FBXO42: variants seen among roughly 807,000 people sequenced by gnomAD.
FBXO42 encodes the protein F-box protein 42.
In FBXO42, 12 loss-of-function variants were observed where a neutral mutation model predicts 71.7. The ratio of observed to expected loss-of-function variants is 0.17; its 90% CI spans 0.11 to 0.27. FBXO42 has a LOEUF of 0.27. Ranked by LOEUF, FBXO42 falls within the 10% of genes least tolerant of loss-of-function variation. The pLI is 1.00. For synonymous variants in FBXO42, 325 were observed against 327.5 expected (o/e 0.99, Z 0.08); for missense variants, 707 against 911.9 (o/e 0.78, Z 2.89).
intron 1 of FBXO42, among the ~76,000 whole-genome samples, chr1:16,322,155 G>C (rs1329348485): frequency 1.3e-5 from 2 of 152,086 alleles, no homozygotes; most frequent in Non-Finnish European, 2.9e-5. Flanking sequence ...ATATTTTATT[G>C]GTCAGAATTA....
chr1:16,311,503 A>AAATATAT (rs1553153698), intron 2 of FBXO42, among the ~76,000 whole-genome samples: 4 of 65,562 alleles, frequency 6.1e-5, no homozygotes, highest in Non-Finnish European at 9.1e-5. Flanking sequence ...AAAAAAAAAA[A>AAATATAT]ATATATATAT....
chr1:16,328,434 C>T (rs551380917), intron 1 of FBXO42, among the ~76,000 whole-genome samples: 49 of 152,212 alleles, frequency 3.2e-4, no homozygotes, highest in African/African-American at 1.1e-3. Context: ...TGGCATTGAA[C>T]GATTAAGTAA....
At chr1:16,342,235 A>G (rs925503177) in intron 1 of FBXO42, among the ~76,000 whole-genome samples, 1 of 151,488 alleles carries the variant, frequency 6.6e-6, no homozygotes, top group African/African-American at 2.4e-5. Flanking sequence ...CGTCTCTACT[A>G]AAAATACAAA....
chr1:16,334,393 TGGGC>T (rs1326430109), intron 1 of FBXO42, among the ~76,000 whole-genome samples: 1 of 120,162 alleles, frequency 8.3e-6, no homozygotes, highest in East Asian at 2.5e-4. Flanking sequence ...AGATCGAGCC[TGGGC>T]GACAGAGTGA....
intron 4 of FBXO42, among the ~76,000 whole-genome samples, chr1:16,283,964 T>C (rs2081994288): frequency 6.6e-6 from 1 of 152,208 alleles, no homozygotes. Flanking sequence ...ATGACTTACG[T>C]TGACTCTGTA....
At chr1:16,282,171 C>T (rs1292238462) in intron 4 of FBXO42, among the ~76,000 whole-genome samples, 5 of 151,892 alleles carry the variant, frequency 3.3e-5, no homozygotes, top group Non-Finnish European at 5.9e-5. Flanking sequence ...TATCATAGGG[C>T]TCCAGGATTT....
chr1:16,306,987 G>A (rs1233269753), intron 2 of FBXO42, among the ~76,000 whole-genome samples: 5 of 152,118 alleles, frequency 3.3e-5, no homozygotes, highest in Non-Finnish European at 1.5e-5. Context: ...TGCCTCCCAG[G>A]TTCAAGTGAT....
At chr1:16,256,578 A>ATT (rs1487553575) in intron 5 of FBXO42, 28 bp downstream of exon 5, 11 of 1,608,306 alleles carry the variant, frequency 6.8e-6, no homozygotes, top group Non-Finnish European at 8.5e-6. Flanking sequence ...TTTCTTCCAG[A>ATT]TTTAAAGAGT....
intron 4 of FBXO42, among the ~76,000 whole-genome samples, chr1:16,274,619 G>A (rs143139722): frequency 6.5e-4 from 72 of 110,214 alleles, no homozygotes; most frequent in African/African-American, 2.6e-3. Context: ...TTGAGACGAA[G>A]TCTTGCTCTG....
At chr1:16,266,538 C>G (rs2081775679) in intron 4 of FBXO42, among the ~76,000 whole-genome samples, 1 of 152,302 alleles carries the variant, frequency 6.6e-6, no homozygotes, top group Admixed American at 6.5e-5. Flanking sequence ...GTCCTTCACA[C>G]ACAAAACTGG....
intron 1 of FBXO42, among the ~76,000 whole-genome samples, chr1:16,343,998 CTTTT>C (rs1246519066): frequency 6.7e-6 from 1 of 150,370 alleles, no homozygotes; most frequent in Middle Eastern, 3.4e-3. Flanking sequence ...GCAAAGGGAT[CTTTT>C]TTTTATTTTT....
chr1:16,247,670 G>T lies in FBXO42; in HGVS notation c.*3000C>A, dbSNP rs991203245. 5 of 152,246 alleles carry T rather than the reference G, an allele frequency of 3.3e-5. No homozygotes were observed. The highest frequency in any genetic ancestry group is 1.2e-4 in the African/African-American group (5 of 41,454). The allele number at this position is 152,246 out of a possible 1,614,324, so 9.4% of individuals were successfully genotyped here. A position where few individuals can be genotyped will look rare whatever the true frequency, so the allele number is the denominator to read the frequency against. ...AAATCAATCCACAGACAGCTGGGAG[G>T]AGAGTAAGCCCAGTATGCCCTAAAA... On this transcript the variant is annotated 3_prime_UTR_variant, in exon 10 of 10. Coordinates refer to ENST00000375592, the MANE Select transcript of FBXO42 (RefSeq NM_018994.3).
intron 4 of FBXO42, among the ~76,000 whole-genome samples, chr1:16,274,412 G>A (rs1181812417): frequency 6.6e-6 from 1 of 152,004 alleles, no homozygotes; most frequent in East Asian, 1.9e-4. Context: ...TGTACAGACA[G>A]GAAAGGGGCA....
At chr1:16,270,674 C>CAAAAAAAAAAAAAAAAAAAAAAA in intron 4 of FBXO42, among the ~76,000 whole-genome samples, 1 of 14,906 alleles carries the variant, frequency 6.7e-5, no homozygotes, top group Non-Finnish European at 1.2e-4. Context: ...CTCTGTCTCT[C>CAAAAAAAAAAAAAAAAAAAAAAA]AAAAAAAAAA....
chr1:16,270,753 C>CACAA (rs2100472957), intron 4 of FBXO42, among the ~76,000 whole-genome samples: 1 of 73,764 alleles, frequency 1.4e-5, no homozygotes, highest in East Asian at 2.6e-4. Context: ...CCATGAGATA[C>CACAA]ACACACACAC....
At chr1:16,312,073 A>T (rs1370371939) in intron 2 of FBXO42, among the ~76,000 whole-genome samples, 1 of 152,040 alleles carries the variant, frequency 6.6e-6, no homozygotes, top group Non-Finnish European at 1.5e-5. Flanking sequence ...AAAGAAATGG[A>T]GGAAGCCGGG....
At chr1:16,323,253 C>T (rs1329411066) in intron 1 of FBXO42, among the ~76,000 whole-genome samples, 2 of 149,714 alleles carry the variant, frequency 1.3e-5, no homozygotes, top group African/African-American at 4.9e-5. Flanking sequence ...CCCATCTCTA[C>T]TAAAAATACA....
At chr1:16,275,902 A>G (rs2081895968) in intron 4 of FBXO42, among the ~76,000 whole-genome samples, 1 of 152,104 alleles carries the variant, frequency 6.6e-6, no homozygotes, top group African/African-American at 2.4e-5. Flanking sequence ...GCTACTCGGG[A>G]GGCTGAGGGA....
intron 2 of FBXO42, among the ~76,000 whole-genome samples, chr1:16,311,498 AAAAAAAT>A (rs1557596986): frequency 6.4e-5 from 6 of 94,174 alleles, no homozygotes; most frequent in South Asian, 3.2e-4. Context: ...AAAAAAAAAA[AAAAAAAT>A]ATATATATAT....
Sources: gnomAD v4.1 joint callset for allele counts (sites outside exome capture counted in the v4.1 genomes callset) on GRCh38, gnomAD v4.1.1 for gene constraint, MANE v1.5 for transcripts, NCBI Gene and HGNC (gene_info 2026-07-23, HGNC 2026-07-21) for gene names.